The following CATSPERB variants were observed in gnomAD, a reference collection of about 807,000 sequenced individuals.
CATSPERB encodes the protein cation channel sperm-associated auxiliary subunit beta.
Under a neutral mutation model 128.3 loss-of-function variants are expected in CATSPERB, and 93 were observed. The ratio of observed to expected loss-of-function variants is 0.72; its 90% CI spans 0.61 to 0.86. The LOEUF (loss-of-function observed/expected upper bound fraction) is 0.86, where lower values mean the gene tolerates loss of function less well. CATSPERB is among the 40% of genes least tolerant of loss of function. CATSPERB has a pLI of 0.00. For synonymous variants in CATSPERB, 381 were observed against 448.8 expected, an observed-to-expected ratio of 0.85 and a Z score of 1.91; for missense variants, 1,153 against 1,329.5, an observed-to-expected ratio of 0.87 and a Z score of 2.06.
intron 11 of CATSPERB, among the ~76,000 whole-genome samples, chr14:91,676,149 G>A (rs1362285986): frequency 2.0e-5 from 3 of 152,102 alleles, no homozygotes; most frequent in African/African-American, 4.8e-5. Flanking sequence ...AGACTGTTGG[G>A]GAAATTAATT....
intron 22 of CATSPERB, among the ~76,000 whole-genome samples, chr14:91,602,534 A>C (rs544382881): frequency 6.6e-6 from 1 of 152,272 alleles, no homozygotes; most frequent in South Asian, 2.1e-4. Flanking sequence ...AGTACATAAG[A>C]GAGATGGCAG....
At chr14:91,597,571 T>A (rs1265463225) in intron 22 of CATSPERB, among the ~76,000 whole-genome samples, 1 of 152,238 alleles carries the variant, frequency 6.6e-6, no homozygotes, top group African/African-American at 2.4e-5. Flanking sequence ...TTTGCATCAG[T>A]GTGCCTTTGA....
At chr14:91,681,658 C>A (rs1470625108) in intron 11 of CATSPERB, among the ~76,000 whole-genome samples, 2 of 152,192 alleles carry the variant, frequency 1.3e-5, no homozygotes, top group African/African-American at 4.8e-5. Context: ...GCTTCCAGGT[C>A]CTCATACCCT....
intron 5 of CATSPERB, among the ~76,000 whole-genome samples, chr14:91,718,364 A>G (rs1667374835): frequency 6.6e-6 from 1 of 152,088 alleles, no homozygotes; most frequent in Non-Finnish European, 1.5e-5. Context: ...TTATCTATAG[A>G]ATCTTTTCCA....
intron 10 of CATSPERB, among the ~76,000 whole-genome samples, chr14:91,684,932 TATTG>T (rs1000993955): frequency 3.3e-5 from 5 of 151,850 alleles, no homozygotes; most frequent in Non-Finnish European, 7.4e-5. Flanking sequence ...TCACTTTATT[TATTG>T]ATTGATTGAT....
At chr14:91,595,068 A>G (rs1233568086) in intron 22 of CATSPERB, among the ~76,000 whole-genome samples, 1 of 152,148 alleles carries the variant, frequency 6.6e-6, no homozygotes, top group Non-Finnish European at 1.5e-5. Context: ...AAAAAATATT[A>G]GGCAAGACTA....
intron 15 of CATSPERB, among the ~76,000 whole-genome samples, chr14:91,641,539 G>C (rs1427129301): frequency 6.6e-6 from 1 of 151,594 alleles, no homozygotes; most frequent in African/African-American, 2.4e-5. Context: ...CATTATTTCT[G>C]AGGGCTCTGT....
chr14:91,619,046 A>G (rs1430754360), intron 19 of CATSPERB, among the ~76,000 whole-genome samples: 3 of 152,234 alleles, frequency 2.0e-5, no homozygotes, highest in African/African-American at 7.2e-5. Flanking sequence ...CTGAACACAT[A>G]TAACTGATTG....
chr14:91,587,922 A>T, intron 25 of CATSPERB, 56 bp downstream of exon 25: 2 of 1,084,830 alleles, frequency 1.8e-6, no homozygotes, highest in Non-Finnish European at 2.8e-6. Flanking sequence ...ATCTTAGTTT[A>T]GACATACATG....
intron 14 of CATSPERB, among the ~76,000 whole-genome samples, chr14:91,666,149 C>T (rs1049806668): frequency 8.5e-5 from 13 of 152,184 alleles, no homozygotes; most frequent in Non-Finnish European, 1.5e-4. Context: ...GCATCTAGGT[C>T]GAAGGCCCAG....
chr14:91,648,092 A>G (rs553691265), intron 15 of CATSPERB, among the ~76,000 whole-genome samples: 2 of 152,148 alleles, frequency 1.3e-5, no homozygotes, highest in Non-Finnish European at 2.9e-5. Context: ...ACAAACTCCC[A>G]CTGGTTTCAT....
intron 5 of CATSPERB, among the ~76,000 whole-genome samples, chr14:91,712,595 A>G (rs1425894428): frequency 6.6e-6 from 1 of 152,230 alleles, no homozygotes; most frequent in East Asian, 1.9e-4. Context: ...TGCATCGTTT[A>G]CTGTCATGCA....
chr14:91,662,113 G>A (rs934722098), intron 14 of CATSPERB, among the ~76,000 whole-genome samples: 4 of 151,278 alleles, frequency 2.6e-5, no homozygotes, highest in African/African-American at 9.7e-5. Flanking sequence ...CCTATGAATC[G>A]GCATATTGCT....
chr14:91,631,846 A>T (rs1894283933), intron 17 of CATSPERB, among the ~76,000 whole-genome samples: 1 of 152,146 alleles, frequency 6.6e-6, no homozygotes, highest in Admixed American at 6.6e-5. Flanking sequence ...TAATGATTAC[A>T]TATGGAATGG....
chr14:91,587,417 A>G (rs1893322585), intron 25 of CATSPERB, 141 bp from the exon 26 acceptor site: 3 of 439,030 alleles, frequency 6.8e-6, no homozygotes, highest in Admixed American at 4.3e-5. Flanking sequence ...GCTCTCGGAC[A>G]TACACATCAT....
At chr14:91,632,122 T>C (rs1364328172) in intron 17 of CATSPERB, among the ~76,000 whole-genome samples, 1 of 152,050 alleles carries the variant, frequency 6.6e-6, no homozygotes, top group East Asian at 1.9e-4. Context: ...GTAAAAATAA[T>C]AAATGTAGTT....
intron 20 of CATSPERB, among the ~76,000 whole-genome samples, chr14:91,611,502 T>C (rs1486066358): frequency 6.6e-6 from 1 of 152,012 alleles, no homozygotes; most frequent in Non-Finnish European, 1.5e-5. Flanking sequence ...CCCAGCTGCT[T>C]GGGAGGCTGA....
chr14:91,727,036 A>G (rs1476227261), intron 2 of CATSPERB, among the ~76,000 whole-genome samples: 1 of 152,210 alleles, frequency 6.6e-6, no homozygotes, highest in Non-Finnish European at 1.5e-5. Flanking sequence ...CTTCAATTAT[A>G]AAATAAGAGT....
chr14:91,728,751 AATC>A lies in CATSPERB; in HGVS notation c.79+647_79+649del, dbSNP rs774794632. 4.6e-5 allele frequency among the ~76,000 whole-genome samples: 7 copies of A among 152,364 alleles called. No individual in the cohort carries two copies. The East Asian group carries it at 1.2e-3, about 25-fold the overall frequency. ...AACAGCATGTGACTTCTTCAACAAG[AATC>A]ATGATATAAAGGGAAACCACACAAG... On this transcript the variant is annotated intron_variant, in intron 2 of 26. Transcript: ENST00000256343.
Sources: gnomAD v4.1 joint callset for allele counts (sites outside exome capture counted in the v4.1 genomes callset) on GRCh38, gnomAD v4.1.1 for gene constraint, MANE v1.5 for transcripts, NCBI Gene and HGNC (gene_info 2026-07-23, HGNC 2026-07-21) for gene names.